LCLAT1: variants seen among roughly 807,000 people sequenced by gnomAD.
LCLAT1 encodes 1-AGP acyltransferase 8.
A neutral mutation model predicts 30.7 loss-of-function variants in LCLAT1; 11 were observed. That is an observed-to-expected ratio of 0.36 (90% CI 0.23 to 0.59). The LOEUF (loss-of-function observed/expected upper bound fraction) is 0.59. Ranked by LOEUF, LCLAT1 falls within the 20% of genes least tolerant of loss-of-function variation. The pLI, the probability that LCLAT1 is intolerant of heterozygous loss-of-function variation, is 0.77. For missense variants in LCLAT1, 402 were observed against 458.6 expected (o/e 0.88, Z 1.13); for synonymous variants, 155 against 151.3 (o/e 1.02, Z -0.18).
intron 5 of LCLAT1, among the ~76,000 whole-genome samples, chr2:30,613,097 T>C (rs535530683): frequency 1.8e-4 from 27 of 152,138 alleles, no homozygotes; most frequent in Non-Finnish European, 3.7e-4. Flanking sequence ...AGAATGTGCC[T>C]AGTGTGTTCA....
At chr2:30,626,222 C>T (rs570176300) in intron 5 of LCLAT1, among the ~76,000 whole-genome samples, 5 of 152,234 alleles carry the variant, frequency 3.3e-5, no homozygotes, top group African/African-American at 1.2e-4. Flanking sequence ...CATGCTCATG[C>T]CTCTTTTAGG....
At chr2:30,471,665 T>G (rs35116667) in intron 1 of LCLAT1, among the ~76,000 whole-genome samples, 67,252 of 152,072 alleles carry the variant, frequency 0.44, 15,793 homozygotes, top group Admixed American at 0.53. Flanking sequence ...ATGGAATTAC[T>G]AATTTTCCTT....
chr2:30,598,390 ATT>A (rs1667025316), intron 5 of LCLAT1, among the ~76,000 whole-genome samples: 1 of 148,958 alleles, frequency 6.7e-6, no homozygotes, highest in African/African-American at 2.5e-5. Context: ...GTGTCCAAGA[ATT>A]TATCCATTTC....
intron 2 of LCLAT1, among the ~76,000 whole-genome samples, chr2:30,530,521 A>G (rs2148392382): frequency 6.6e-6 from 1 of 152,270 alleles, no homozygotes; most frequent in East Asian, 1.9e-4. Context: ...ATGTTATATG[A>G]GATGTTCCTG....
intron 1 of LCLAT1, among the ~76,000 whole-genome samples, chr2:30,478,641 C>A (rs1683162185): frequency 6.6e-6 from 1 of 152,030 alleles, no homozygotes; most frequent in Non-Finnish European, 1.5e-5. Context: ...GCACTCCAGT[C>A]TGGATGACAG....
At chr2:30,599,173 G>A (rs1024340068) in intron 5 of LCLAT1, among the ~76,000 whole-genome samples, 1 of 151,906 alleles carries the variant, frequency 6.6e-6, no homozygotes, top group African/African-American at 2.4e-5. Flanking sequence ...GTAGAGATGG[G>A]GTTTCACCAT....
chr2:30,536,562 T>TA (rs980971806), intron 3 of LCLAT1, among the ~76,000 whole-genome samples: 3 of 152,228 alleles, frequency 2.0e-5, no homozygotes, highest in Non-Finnish European at 4.4e-5. Context: ...AAAGGAGACA[T>TA]AGTCTTTCCA....
chr2:30,476,709 A>C (rs1322707565), intron 1 of LCLAT1: 2 of 307,350 alleles, frequency 6.5e-6, no homozygotes, highest in Non-Finnish European at 1.3e-5. Flanking sequence ...CAATAAATGT[A>C]ATGTGCTTGA....
chr2:30,594,932 A>G (rs1558542458), intron 5 of LCLAT1, among the ~76,000 whole-genome samples: 1 of 152,324 alleles, frequency 6.6e-6, no homozygotes, highest in East Asian at 1.9e-4. Flanking sequence ...TTCCCAATAA[A>G]TCATATGCCT....
intron 5 of LCLAT1, among the ~76,000 whole-genome samples, chr2:30,622,983 C>T (rs977334200): frequency 2.6e-5 from 4 of 151,508 alleles, no homozygotes; most frequent in Non-Finnish European, 5.9e-5. Context: ...TAAAAGAATT[C>T]AGAAGTTCGA....
At chr2:30,463,271 C>G (rs771526348) in intron 1 of LCLAT1, among the ~76,000 whole-genome samples, 1 of 151,896 alleles carries the variant, frequency 6.6e-6, no homozygotes, top group Non-Finnish European at 1.5e-5. Context: ...ATTTTGTAAC[C>G]TACTTTTTTC....
At chr2:30,532,557 A>G (rs989173741) in intron 2 of LCLAT1, among the ~76,000 whole-genome samples, 48 of 152,272 alleles carry the variant, frequency 3.2e-4, no homozygotes, top group African/African-American at 1.2e-3. Context: ...AAATTCAGCA[A>G]TTATTTGAAC....
At chr2:30,515,787 T>G (rs1685152560) in intron 1 of LCLAT1, among the ~76,000 whole-genome samples, 1 of 152,232 alleles carries the variant, frequency 6.6e-6, no homozygotes, top group South Asian at 2.1e-4. Context: ...TTTAATTACT[T>G]TTCAATCATG....
intron 3 of LCLAT1, among the ~76,000 whole-genome samples, chr2:30,540,675 T>A (rs1022914000): frequency 4.6e-5 from 7 of 151,830 alleles, no homozygotes; most frequent in African/African-American, 1.7e-4. Context: ...TTCTTTTTTT[T>A]TTTTTTGAGA....
chr2:30,514,028 T>C (rs1685065460), intron 1 of LCLAT1, among the ~76,000 whole-genome samples: 1 of 152,202 alleles, frequency 6.6e-6, no homozygotes, highest in Non-Finnish European at 1.5e-5. Flanking sequence ...AACTGAGACC[T>C]GTCTCAAATT....
At chr2:30,546,457 A>G (rs556788852) in intron 3 of LCLAT1, among the ~76,000 whole-genome samples, 3 of 152,350 alleles carry the variant, frequency 2.0e-5, no homozygotes, top group Non-Finnish European at 4.4e-5. Context: ...CTATAGGAAC[A>G]TGATTATAAT....
At chr2:30,596,650 G>A (rs1666942079) in intron 5 of LCLAT1, among the ~76,000 whole-genome samples, 1 of 151,476 alleles carries the variant, frequency 6.6e-6, no homozygotes, top group South Asian at 2.1e-4. Context: ...AGTTTAATCA[G>A]ATCCCATTTG....
intron 3 of LCLAT1, among the ~76,000 whole-genome samples, chr2:30,533,752 TG>T (rs748085327): frequency 6.6e-6 from 1 of 152,240 alleles, no homozygotes; most frequent in Non-Finnish European, 1.5e-5. Context: ...TGGTACTTTC[TG>T]AACTTCCCCA....
At position 30,459,939 on chromosome 2, in the gene LCLAT1, G is replaced by A. The variant is rs117111265; in HGVS notation, c.-5+12556G>A. Among the ~76,000 whole-genome samples the A allele has an allele frequency of 5.1e-4, 77 of 152,254 alleles. No individual in the cohort carries two copies. The East Asian group carries it at 0.011, about 22-fold the overall frequency. ...TTAGAAAATAAAATAACACATTTCTGTGAAAGAACAAACCCAGCATTTCTG... is the reference window on the plus strand; with the variant it reads ...TTAGAAAATAAAATAACACATTTCTATGAAAGAACAAACCCAGCATTTCTG... On this transcript the variant is annotated intron_variant, in intron 1 of 5. Coordinates refer to ENST00000379509, the MANE Select transcript of LCLAT1 (RefSeq NM_001002257.3).
Sources: gnomAD v4.1 joint callset for allele counts (sites outside exome capture counted in the v4.1 genomes callset) on GRCh38, gnomAD v4.1.1 for gene constraint, MANE v1.5 for transcripts, NCBI Gene and HGNC (gene_info 2026-07-23, HGNC 2026-07-21) for gene names.